PLCG2: variants seen among roughly 807,000 people sequenced by gnomAD.
PLCG2 encodes the protein 1-phosphatidylinositol 4,5-bisphosphate phosphodiesterase gamma-2.
A neutral mutation model predicts 175.6 loss-of-function variants in PLCG2; 69 were observed. The observed-to-expected ratio is 0.39, with a 90% CI of 0.32 to 0.48. The LOEUF (loss-of-function observed/expected upper bound fraction) is 0.48. PLCG2 is among the 20% of genes least tolerant of loss of function. The probability of loss-of-function intolerance (pLI) is 0.91; values close to 1 mark genes in which losing one functional copy is unlikely to be tolerated. For missense variants in PLCG2, 1,798 were observed against 1,650.9 expected (o/e 1.09, Z -1.54); for synonymous variants, 827 against 624.0 (o/e 1.33, Z -4.85).
At position 81,859,352 on chromosome 16, in the gene PLCG2, A is replaced by T. The variant is rs572100004; in HGVS notation, c.479+189A>T. The T allele has an allele frequency of 8.8e-4, 478 of 543,494 alleles. 2 individuals are homozygous for T. Among genetic ancestry groups the T allele is most frequent in the Middle Eastern group, 1.2e-3 (3 of 2,512 alleles). 33.7% of individuals were successfully genotyped at this position (543,494 alleles called of 1,614,324 possible). On this transcript the variant is annotated intron_variant, in intron 5 of 32. Transcript: ENST00000564138. ...AATCCTCCTCCTGGAGGGAGCCTCT[A>T]TTCCGCAGAAAATTCAAGTACAGCC...
At chr16:81,876,637 C>G (rs1316564281) in intron 7 of PLCG2, among the ~76,000 whole-genome samples, 2 of 152,172 alleles carry the variant, frequency 1.3e-5, no homozygotes, top group African/African-American at 2.4e-5. Context: ...AGTCACTCAT[C>G]CAGTAAATGT....
chr16:81,777,556 C>T (rs1910449526), upstream of PLCG2, among the ~76,000 whole-genome samples: 1 of 151,690 alleles, frequency 6.6e-6, no homozygotes, highest in African/African-American at 2.4e-5. Flanking sequence ...CTTCCAAGAT[C>T]TCTTTAAAAA....
At chr16:81,753,588 T>G (rs1380754200) in intron 1 of PLCG2, among the ~76,000 whole-genome samples, 1 of 152,034 alleles carries the variant, frequency 6.6e-6, no homozygotes, top group Non-Finnish European at 1.5e-5. Context: ...CCAGCTAATT[T>G]TTGTATTTTC....
At position 81,919,562 on chromosome 16, in the gene PLCG2, G is replaced by C. The variant is rs769161044; in HGVS notation, c.2133G>C (p.Glu711Asp). 5.6e-6 allele frequency: 9 copies of C among 1,614,120 alleles called. No individual in the cohort carries two copies. In the Admixed American group the frequency reaches 1.5e-4, roughly 27 times the overall value. The change falls in exon 20 of 33, where the codon GAG (glutamate) becomes GAC (aspartate). Residue 711 changes from glutamate to aspartate, a missense_variant. By Grantham distance (45) the Glu-to-Asp change is conservative. Coordinates refer to ENST00000564138, the MANE Select transcript of PLCG2 (RefSeq NM_002661.5). ...TGCTGGGGACCTCCGCCTATTTTGA[G>C]AGTCTGGTGGAGCTCGTCAGTTACT... ...HFVLGTSAYF[E>D]SLVELVSYYE...
chr16:81,924,465 C>G lies in PLCG2; in HGVS notation c.2417+871C>G, dbSNP rs1265608245. 7.9e-5 allele frequency among the ~76,000 whole-genome samples: 12 copies of G among 152,344 alleles called. No individual in the cohort carries two copies. In the East Asian group the frequency reaches 2.3e-3, roughly 29 times the overall value. On this transcript the variant is annotated intron_variant, in intron 22 of 32. Transcript: ENST00000564138. ...ACATGATGACTGTAAAAGGTTGGTTCTGTTGTTACCTGCATTTTACCGATG... is the reference window on the plus strand; with the variant it reads ...ACATGATGACTGTAAAAGGTTGGTTGTGTTGTTACCTGCATTTTACCGATG...
intron 2 of PLCG2, among the ~76,000 whole-genome samples, chr16:81,797,913 C>A (rs887155952): frequency 6.6e-6 from 1 of 152,042 alleles, no homozygotes; most frequent in Non-Finnish European, 1.5e-5. Flanking sequence ...TCACTGCAAC[C>A]TCTGCCTCCC....
intron 1 of PLCG2, among the ~76,000 whole-genome samples, chr16:81,784,514 G>A (rs1910883605): frequency 6.6e-6 from 1 of 152,170 alleles, no homozygotes; most frequent in African/African-American, 2.4e-5. Context: ...CTCCTTCTTT[G>A]GATCCTGGGA....
intron 20 of PLCG2, among the ~76,000 whole-genome samples, chr16:81,919,961 T>A (rs1452066126): frequency 6.6e-6 from 1 of 151,672 alleles, no homozygotes; most frequent in Admixed American, 6.6e-5. Context: ...GGGGAAGGGG[T>A]TGAAGTTTTC....
chr16:81,789,945 G>T (rs534631703), intron 2 of PLCG2, among the ~76,000 whole-genome samples: 1 of 150,774 alleles, frequency 6.6e-6, no homozygotes, highest in South Asian at 2.1e-4. Flanking sequence ...TCAAATCTCC[G>T]TGGAGCCTAT....
At chr16:81,884,137 A>G (rs1567515528) in intron 9 of PLCG2, among the ~76,000 whole-genome samples, 5 of 152,158 alleles carry the variant, frequency 3.3e-5, no homozygotes, top group African/African-American at 9.7e-5. Flanking sequence ...GATCACTTGA[A>G]GCCAGGAGTT....
chr16:81,905,511 G>A lies in PLCG2; in HGVS notation c.1467+4G>A. On this transcript the variant is annotated splice_donor_region_variant and intron_variant, in intron 15 of 32. Coordinates refer to ENST00000564138, the MANE Select transcript of PLCG2 (RefSeq NM_002661.5). ...CATGTGGGATTCCATTGACCAGGTGGGCCTTGGTCCCTTCCCGTAGCCACT... is the reference window on the plus strand; with the variant it reads ...CATGTGGGATTCCATTGACCAGGTGAGCCTTGGTCCCTTCCCGTAGCCACT... The A allele has an allele frequency of 6.2e-7, 1 of 1,606,078 alleles. No homozygotes were observed. Among genetic ancestry groups the A allele is most frequent in the East Asian group, 2.2e-5 (1 of 44,848 alleles).
intron 1 of PLCG2, among the ~76,000 whole-genome samples, chr16:81,781,864 TTC>T (rs1910746728): frequency 9.2e-4 from 3 of 3,246 alleles, no homozygotes; most frequent in African/African-American, 2.3e-3. Flanking sequence ...TTCATGTCCT[TTC>T]CCCCCCCCCC....
intron 26 of PLCG2, 61 bp downstream of exon 26, chr16:81,934,592 T>A: frequency 1.0e-6 from 1 of 990,148 alleles, no homozygotes; most frequent in Non-Finnish European, 1.6e-6. Flanking sequence ...TCCTTTAGAG[T>A]CTGATATTTT....
chr16:81,937,647 T>A, intron 27 of PLCG2, 111 bp from the exon 28 acceptor site: 1 of 895,180 alleles, frequency 1.1e-6, no homozygotes. Flanking sequence ...AACAGCTGCC[T>A]CACATTAATT....
At chr16:81,938,770 G>A (rs748407908) in intron 28 of PLCG2, 31 bp from the exon 29 acceptor site, 4 of 1,388,634 alleles carry the variant, frequency 2.9e-6, no homozygotes, top group Admixed American at 3.4e-5. Flanking sequence ...GGACCCCAGG[G>A]GGGTTCCAAT....
chr16:81,895,512 A>G (rs1481468283), intron 12 of PLCG2: 1 of 316,328 alleles, frequency 3.2e-6, no homozygotes, highest in Non-Finnish European at 6.0e-6. Context: ...ATGGGCCGAG[A>G]TTGTGCCACT....
intron 17 of PLCG2, among the ~76,000 whole-genome samples, chr16:81,908,918 C>T (rs182602580): frequency 5.3e-4 from 80 of 152,322 alleles, no homozygotes; most frequent in East Asian, 1.2e-3. Flanking sequence ...TCACTTTCCC[C>T]GATCCCAGCC....
chr16:81,757,946 C>G (rs1453204168), intron 2 of PLCG2, among the ~76,000 whole-genome samples: 1 of 152,144 alleles, frequency 6.6e-6, no homozygotes, highest in Non-Finnish European at 1.5e-5. Flanking sequence ...TTTCACTTAG[C>G]ATCATGTGCT....
rs74665088 is a variant in PLCG2, at chr16:81,908,970, C to G, written c.1733+379C>G. ...GGCTCTGGATGATTCAGCCAACCTT[C>G]TAGCATCTCTGTCTCCTCCATAAAA... On this transcript the variant is annotated intron_variant, in intron 17 of 32. Transcript: ENST00000564138. Among the ~76,000 whole-genome samples, 722 of 152,294 alleles carry G rather than the reference C, an allele frequency of 4.7e-3. 8 individuals are homozygous for G. Among genetic ancestry groups the G allele is most frequent in the African/African-American group, 0.017 (688 of 41,556 alleles).
Sources: gnomAD v4.1 joint callset for allele counts (sites outside exome capture counted in the v4.1 genomes callset) on GRCh38, gnomAD v4.1.1 for gene constraint, MANE v1.5 for transcripts, NCBI Gene and HGNC (gene_info 2026-07-23, HGNC 2026-07-21) for gene names.